The following SRBD1 variants were observed in gnomAD, a reference collection of about 807,000 sequenced individuals.
The protein encoded by SRBD1 is S1 RNA binding domain 1.
A neutral mutation model predicts 115.3 loss-of-function variants in SRBD1; 88 were observed. The observed-to-expected ratio is 0.76, with a 90% CI of 0.64 to 0.91. The LOEUF (loss-of-function observed/expected upper bound fraction) is 0.91. Ranked by LOEUF, SRBD1 falls within the 40% of genes least tolerant of loss-of-function variation. The probability of loss-of-function intolerance (pLI) is 0.00; values close to 1 mark genes in which losing one functional copy is unlikely to be tolerated. For missense variants in SRBD1, 1,385 were observed against 1,177.4 expected, an observed-to-expected ratio of 1.18 and a Z score of -2.58; for synonymous variants, 509 against 407.7, an observed-to-expected ratio of 1.25 and a Z score of -2.99.
In SRBD1 at chr2:45,437,721, C is replaced by T. The variant is rs76653078; in HGVS notation, c.2050-17827G>A. ...ACAATCTGGGCGATAGACTAAGACT[C>T]TGTCTCAAAAACAAAGACAAAAAAT... On this transcript the variant is annotated intron_variant, in intron 16 of 20. Transcript: ENST00000263736. Among the ~76,000 whole-genome samples, 353 of 152,304 alleles carry T rather than the reference C, an allele frequency of 2.3e-3. 2 individuals carry two copies. The highest frequency in any genetic ancestry group is 8.2e-3 in the African/African-American group (341 of 41,566).
chr2:45,520,891 C>G (rs918642149), intron 14 of SRBD1, among the ~76,000 whole-genome samples: 1 of 152,226 alleles, frequency 6.6e-6, no homozygotes, highest in Non-Finnish European at 1.5e-5. Flanking sequence ...TAACCCAATT[C>G]TTCCAGGATG....
chr2:45,452,990 T>A (rs1396075590), intron 16 of SRBD1, among the ~76,000 whole-genome samples: 1 of 152,024 alleles, frequency 6.6e-6, no homozygotes, highest in East Asian at 1.9e-4. Flanking sequence ...GTCCACAATA[T>A]GTATACTGTG....
At chr2:45,496,894 T>C (rs751328868) in intron 14 of SRBD1, among the ~76,000 whole-genome samples, 1 of 152,170 alleles carries the variant, frequency 6.6e-6, no homozygotes, top group African/African-American at 2.4e-5. Flanking sequence ...AAAATTTCTG[T>C]TGGCCACCCA....
chr2:45,564,442 G>T (rs556688788), intron 9 of SRBD1, among the ~76,000 whole-genome samples: 1 of 152,220 alleles, frequency 6.6e-6, no homozygotes, highest in South Asian at 2.1e-4. Flanking sequence ...CATCTATATT[G>T]GAAAGGAAGA....
chr2:45,568,190 T>C (rs1395401483), intron 9 of SRBD1, among the ~76,000 whole-genome samples: 1 of 152,098 alleles, frequency 6.6e-6, no homozygotes, highest in African/African-American at 2.4e-5. Flanking sequence ...ATTCATGTGG[T>C]AGAAAAGATC....
rs532093779 is a variant in SRBD1, at chr2:45,493,654, C to CA, written c.1875-5324dup. Among the ~76,000 whole-genome samples the CA allele has an allele frequency of 1.3e-3, 194 of 147,122 alleles. 1 individual carries two copies. Among genetic ancestry groups the CA allele is most frequent in the East Asian group, 0.01 (51 of 5,058 alleles). On this transcript the variant is annotated intron_variant, in intron 14 of 20. Coordinates refer to ENST00000263736, the MANE Select transcript of SRBD1 (RefSeq NM_018079.5). ...GGTGAATCCCAGTCTCTACTAAATA[C>CA]AAAAAAAAAATCAGCCAAGCGTGGT...
In SRBD1 at chr2:45,605,445, G is replaced by A; in HGVS notation, c.1-4C>T. 8 of 1,612,572 alleles carry A rather than the reference G, an allele frequency of 5.0e-6. No homozygotes were observed. Among genetic ancestry groups the A allele is most frequent in the Non-Finnish European group, 5.9e-6 (7 of 1,179,374 alleles). The stretch of plus-strand genomic sequence containing the variant: ...CTCTTCTTGGCAATGATGACATCTA[G>A]AAGAAACAGAAAATAAAATCAGCAA... On this transcript the variant is annotated splice_polypyrimidine_tract_variant and splice_region_variant and intron_variant, in intron 1 of 20. Coordinates refer to ENST00000263736, the MANE Select transcript of SRBD1 (RefSeq NM_018079.5).
intron 16 of SRBD1, among the ~76,000 whole-genome samples, chr2:45,421,673 G>T (rs1452476409): frequency 1.3e-5 from 2 of 151,726 alleles, no homozygotes; most frequent in Non-Finnish European, 1.5e-5. Context: ...ATGATCTGTG[G>T]GACAGGAGAC....
chr2:45,605,974 G>A (rs1199715335), intron 1 of SRBD1, among the ~76,000 whole-genome samples: 1 of 151,024 alleles, frequency 6.6e-6, no homozygotes, highest in Non-Finnish European at 1.5e-5. Context: ...TTAAGAGTAT[G>A]GGCCATCTTT....
intron 16 of SRBD1, among the ~76,000 whole-genome samples, chr2:45,435,223 T>TA (rs1334432484): frequency 6.6e-6 from 1 of 152,186 alleles, no homozygotes; most frequent in East Asian, 1.9e-4. Context: ...GAATAGTGAA[T>TA]ATATGGCAAC....
At chr2:45,430,812 A>C (rs1668309703) in intron 16 of SRBD1, among the ~76,000 whole-genome samples, 1 of 152,238 alleles carries the variant, frequency 6.6e-6, no homozygotes, top group African/African-American at 2.4e-5. Context: ...ACTAAACTAA[A>C]GAGCTTCTGC....
At chr2:45,545,283 T>TAAAAAAAAAAAAAAAAAAAAAAA (rs56909656) in intron 14 of SRBD1, among the ~76,000 whole-genome samples, 18 of 68,574 alleles carry the variant, frequency 2.6e-4, no homozygotes, top group Admixed American at 5.9e-4. Flanking sequence ...CTGTCTCAAT[T>TAAAAAAAAAAAAAAAAAAAAAAA]AAAAAAAAAA....
chr2:45,474,179 C>G (rs1190059711), intron 16 of SRBD1, among the ~76,000 whole-genome samples: 1 of 152,160 alleles, frequency 6.6e-6, no homozygotes, highest in Admixed American at 6.5e-5. Context: ...ATGAATCTTA[C>G]TTTTACTTAT....
chr2:45,485,357 C>T (rs960782569), intron 15 of SRBD1, among the ~76,000 whole-genome samples: 21 of 152,136 alleles, frequency 1.4e-4, no homozygotes, highest in African/African-American at 4.8e-4. Context: ...AGCTTCAAAT[C>T]TTGTTGTTGT....
chr2:45,569,059 A>C (rs1672925155), intron 9 of SRBD1: 1 of 152,198 alleles, frequency 6.6e-6, no homozygotes, highest in African/African-American at 2.4e-5. Flanking sequence ...TCTACACCCT[A>C]AACAGGACCC....
chr2:45,445,550 T>TAAAAAAAAAAAAA lies in SRBD1; in HGVS notation c.2050-25669_2050-25657dup, dbSNP rs59451865. On this transcript the variant is annotated intron_variant, in intron 16 of 20. Coordinates refer to ENST00000263736, the MANE Select transcript of SRBD1 (RefSeq NM_018079.5). Reference sequence around the variant, plus strand: ...CACAGAAGCAATATCTTCCCAGAGGTAAAAAAAAAAAAAAAAAAAAAAAAA... The same window carrying TAAAAAAAAAAAAA: ...CACAGAAGCAATATCTTCCCAGAGGTAAAAAAAAAAAAAAAAAAAAAAAAAAAAAAAAAAAAAA... Among the ~76,000 whole-genome samples the TAAAAAAAAAAAAA allele has an allele frequency of 1.5e-3, 55 of 37,042 alleles. 1 individual carries two copies. Among genetic ancestry groups the TAAAAAAAAAAAAA allele is most frequent in the Non-Finnish European group, 2.4e-3 (38 of 16,092 alleles). 24.3% of individuals were successfully genotyped at this position (37,042 alleles called of 152,430 possible).
chr2:45,518,355 CT>C (rs1209686548), intron 14 of SRBD1, among the ~76,000 whole-genome samples: 4 of 152,082 alleles, frequency 2.6e-5, no homozygotes, highest in Non-Finnish European at 4.4e-5. Context: ...CTATACCTAC[CT>C]TCTAATTTAC....
chr2:45,429,726 A>T (rs930985291), intron 16 of SRBD1, among the ~76,000 whole-genome samples: 1 of 152,200 alleles, frequency 6.6e-6, no homozygotes, highest in Non-Finnish European at 1.5e-5. Context: ...TTTGAAAACC[A>T]GCACAAGACA....
chr2:45,547,065 C>T (rs920970745), intron 13 of SRBD1, among the ~76,000 whole-genome samples: 3 of 152,174 alleles, frequency 2.0e-5, no homozygotes, highest in Non-Finnish European at 2.9e-5. Flanking sequence ...TACTGTCACA[C>T]TATCTCAAAA....
Sources: gnomAD v4.1 joint callset for allele counts (sites outside exome capture counted in the v4.1 genomes callset) on GRCh38, gnomAD v4.1.1 for gene constraint, MANE v1.5 for transcripts, NCBI Gene and HGNC (gene_info 2026-07-23, HGNC 2026-07-21) for gene names.